The following RNF152 variants were observed in gnomAD, a reference collection of about 807,000 sequenced individuals.
RNF152 encodes the protein E3 ubiquitin-protein ligase RNF152.
A neutral mutation model predicts 12.7 loss-of-function variants in RNF152; 11 were observed. The ratio of observed to expected loss-of-function variants is 0.86; its 90% CI spans 0.54 to 1.43. The LOEUF is 1.43. Among genes scored for constraint, RNF152 ranks in the 40% most tolerant of loss-of-function variants. The probability of loss-of-function intolerance (pLI) is 0.00; values close to 1 mark genes in which losing one functional copy is unlikely to be tolerated. For synonymous variants in RNF152, 113 were observed against 120.3 expected (o/e 0.94, Z 0.40); for missense variants, 255 against 274.8 (o/e 0.93, Z 0.51).
chr18:61,855,900 T>G (rs1309599838), intron 1 of RNF152, among the ~76,000 whole-genome samples: 3 of 152,170 alleles, frequency 2.0e-5, no homozygotes, highest in Non-Finnish European at 4.4e-5. Flanking sequence ...AAAAATAAAC[T>G]GAGTAAACTG....
rs1910790417 is a variant in RNF152 at position 61,847,551 on chromosome 18, T to C, written c.-135-30953A>G. Among the ~76,000 whole-genome samples, 3 of 152,298 alleles carry C rather than the reference T, an allele frequency of 2.0e-5. No homozygotes were observed. In the South Asian group the frequency reaches 6.2e-4, roughly 32 times the overall value. ...TCTGCCCCTAGGCTTACTCTCAAAA[T>C]CACTACCAAAACCATGGTGTAAACA... On this transcript the variant is annotated intron_variant, in intron 1 of 1. Transcript: ENST00000312828.
intron 1 of RNF152, among the ~76,000 whole-genome samples, chr18:61,863,200 C>T (rs527935539): frequency 9.2e-5 from 14 of 152,110 alleles, no homozygotes; most frequent in African/African-American, 1.2e-4. Context: ...TTTGGAAGGC[C>T]GAGGCAGGTG....
At chr18:61,891,248 C>A (rs961763899) in intron 1 of RNF152, among the ~76,000 whole-genome samples, 3 of 152,138 alleles carry the variant, frequency 2.0e-5, no homozygotes, top group African/African-American at 7.2e-5. Flanking sequence ...GGGGAGCCTC[C>A]TTCTTATATA....
chr18:61,809,006 C>A lies in RNF152; in HGVS notation c.*6846G>T, dbSNP rs992322245. On this transcript the variant is annotated 3_prime_UTR_variant, in exon 2 of 2. Coordinates refer to ENST00000312828, the MANE Select transcript of RNF152 (RefSeq NM_173557.3). ...CCTGAATTGAACTTGGTAGTCCGTA[C>A]TGGAATGACAGATTGTGCTTGACTA... 1 of 152,284 alleles carries A rather than the reference C, an allele frequency of 6.6e-6. No individual in the cohort carries two copies. The highest frequency in any genetic ancestry group is 1.5e-5 in the Non-Finnish European group (1 of 68,080). The allele number at this position is 152,284 out of a possible 1,614,324, so 9.4% of individuals were successfully genotyped here.
At chr18:61,820,104 C>T (rs1442260723) in intron 1 of RNF152, among the ~76,000 whole-genome samples, 14 of 148,248 alleles carry the variant, frequency 9.4e-5, no homozygotes, top group African/African-American at 2.5e-4. Flanking sequence ...CTGAGGCAGG[C>T]GGATCACGAG....
At chr18:61,889,006 G>T (rs1912823284) in intron 1 of RNF152, among the ~76,000 whole-genome samples, 1 of 152,150 alleles carries the variant, frequency 6.6e-6, no homozygotes, top group Non-Finnish European at 1.5e-5. Flanking sequence ...AGTCCCTCGG[G>T]GCTTTCATTT....
Position 61,863,313 on chromosome 18 carries a change from T to C in RNF152, c.-136+29482A>G, listed in dbSNP as rs184583198. Among the ~76,000 whole-genome samples the C allele has an allele frequency of 3.3e-3, 507 of 151,754 alleles. 1 individual carries two copies. The highest frequency in any genetic ancestry group is 0.011 in the African/African-American group (464 of 41,364). ...AGCCAGGCGTGGTGACACACGCCTG[T>C]AGTCCCAGCTACTCGGGAGGCTGAC... On this transcript the variant is annotated intron_variant, in intron 1 of 1. Coordinates refer to ENST00000312828, the MANE Select transcript of RNF152 (RefSeq NM_173557.3).
At chr18:61,817,176 G>A (rs1437415940) in intron 1 of RNF152, among the ~76,000 whole-genome samples, 1 of 152,158 alleles carries the variant, frequency 6.6e-6, no homozygotes, top group Admixed American at 6.5e-5. Context: ...AGCACACGAA[G>A]GCATCTTTCA....
intron 1 of RNF152, among the ~76,000 whole-genome samples, chr18:61,870,095 T>G (rs578076164): frequency 6.6e-6 from 1 of 152,202 alleles, no homozygotes; most frequent in Non-Finnish European, 1.5e-5. Flanking sequence ...CCTCACGCTC[T>G]CTTGGAAAGA....
rs1200464200 is a variant in RNF152 at position 61,813,941 on chromosome 18, A to G, written c.*1911T>C. 1 of 152,232 alleles carries G rather than the reference A, an allele frequency of 6.6e-6. No individual in the cohort carries two copies. The highest frequency in any genetic ancestry group is 1.5e-5 in the Non-Finnish European group (1 of 68,038). 9.4% of individuals were successfully genotyped at this position (152,232 alleles called of 1,614,324 possible). On this transcript the variant is annotated 3_prime_UTR_variant, in exon 2 of 2. Transcript: ENST00000312828. ...AGTATTCAGCTAATATGACACCTAA[A>G]TTATTAATACCAAATAAATCCTAGA...
chr18:61,827,118 A>G (rs911724265), intron 1 of RNF152, among the ~76,000 whole-genome samples: 1 of 152,248 alleles, frequency 6.6e-6, no homozygotes, highest in Non-Finnish European at 1.5e-5. Context: ...GAAACTTCAC[A>G]AAGACATGAT....
chr18:61,824,432 C>T (rs906810175), intron 1 of RNF152, among the ~76,000 whole-genome samples: 3 of 152,232 alleles, frequency 2.0e-5, no homozygotes, highest in Non-Finnish European at 4.4e-5. Flanking sequence ...TGCTTCTCAT[C>T]CCTGACAGAT....
chr18:61,870,065 G>C lies in RNF152; in HGVS notation c.-136+22730C>G, dbSNP rs914060018. On this transcript the variant is annotated intron_variant, in intron 1 of 1. Transcript: ENST00000312828. ...ATATAACTTGTTATACCATAAAAAA[G>C]TATTTCCATTTATTCCAAACCTCAC... Among the ~76,000 whole-genome samples the C allele has an allele frequency of 2.0e-5, 3 of 152,246 alleles. No individual in the cohort carries two copies. In the Middle Eastern group the frequency reaches 0.01, roughly 518 times the overall value.
At chr18:61,861,307 T>C (rs1399545614) in intron 1 of RNF152, among the ~76,000 whole-genome samples, 1 of 152,224 alleles carries the variant, frequency 6.6e-6, no homozygotes, top group East Asian at 1.9e-4. Context: ...ACAATATTTT[T>C]ATTGTATCTC....
intron 1 of RNF152, among the ~76,000 whole-genome samples, chr18:61,890,787 AT>A (rs1234502492): frequency 1.3e-5 from 2 of 152,248 alleles, no homozygotes; most frequent in African/African-American, 4.8e-5. Context: ...CTCTGAGGGA[AT>A]TAGAAATGAA....
intron 1 of RNF152, among the ~76,000 whole-genome samples, chr18:61,865,712 C>T (rs12604349): frequency 1.3e-5 from 2 of 152,254 alleles, no homozygotes; most frequent in South Asian, 4.1e-4. Flanking sequence ...AAAGAATTTT[C>T]TGAACATTAG....
rs139853960 is a variant in RNF152 at position 61,852,664 on chromosome 18, A to C, written c.-135-36066T>G. Among the ~76,000 whole-genome samples the C allele has an allele frequency of 5.0e-4, 76 of 152,274 alleles. No homozygotes were observed. In the Middle Eastern group the frequency reaches 0.014, roughly 27 times the overall value. On this transcript the variant is annotated intron_variant, in intron 1 of 1. Coordinates refer to ENST00000312828, the MANE Select transcript of RNF152 (RefSeq NM_173557.3). ...TCCATCACCTGGAGAGATTTAAAAA[A>C]TTCCAGTGCTGTGGTTTGGCTTCCT... is the stretch of plus-strand genomic sequence containing the variant.
At chr18:61,857,664 T>C (rs762983295) in intron 1 of RNF152, among the ~76,000 whole-genome samples, 31 of 152,048 alleles carry the variant, frequency 2.0e-4, no homozygotes, top group Non-Finnish European at 4.0e-4. Flanking sequence ...ATAACACAAG[T>C]TCCATATCCT....
chr18:61,844,196 AAGGAGGGAGG>A lies in RNF152; in HGVS notation c.-135-27608_-135-27599del, dbSNP rs1401740147. 5.4e-5 allele frequency among the ~76,000 whole-genome samples: 7 copies of A among 130,248 alleles called. No homozygotes were observed. In the East Asian group the frequency reaches 1.8e-3, roughly 33 times the overall value. 85.4% of individuals were successfully genotyped at this position (130,248 alleles called of 152,430 possible). A position where few individuals can be genotyped will look rare whatever the true frequency, so the allele number is the denominator to read the frequency against. ...GAGGAAGAGAGGAAGGAAGGAAGGG[AAGGAGGGAGG>A]GAAGGAGGGAGGGAAGGAGGGAGAC... is the stretch of plus-strand genomic sequence containing the variant. On this transcript the variant is annotated intron_variant, in intron 1 of 1. Transcript: ENST00000312828.
Sources: allele counts gnomAD v4.1 joint callset (sites outside exome capture counted in the v4.1 genomes callset), GRCh38; gene constraint gnomAD v4.1.1; transcripts MANE v1.5; gene names NCBI Gene and HGNC (gene_info 2026-07-23, HGNC 2026-07-21).